OSMR: variants seen among roughly 807,000 people sequenced by gnomAD.
OSMR encodes oncostatin M receptor, also known as oncostatin-M-specific receptor subunit beta.
OSMR carries 81 observed loss-of-function variants against 99.9 expected under a neutral mutation model. That is an observed-to-expected ratio of 0.81 (90% CI 0.68 to 0.97). OSMR has a LOEUF of 0.97. Among genes scored for constraint, OSMR ranks in the 50% least tolerant of loss-of-function variants. The pLI is 0.00. For missense variants in OSMR, 1,099 were observed against 1,153.4 expected (o/e 0.95, Z 0.68); for synonymous variants, 406 against 410.4 (o/e 0.99, Z 0.13).
At chr5:38,892,157 AGCTGTGTGT>A (rs1744203070) in intron 7 of OSMR, among the ~76,000 whole-genome samples, 1 of 151,840 alleles carries the variant, frequency 6.6e-6, no homozygotes, top group Non-Finnish European at 1.5e-5. Context: ...TGCACCCCAC[AGCTGTGTGT>A]CTTCATTGCT....
chr5:38,883,669 G>T (rs1350899744), intron 4 of OSMR, 158 bp from the exon 5 acceptor site: 1 of 984,400 alleles, frequency 1.0e-6, no homozygotes, highest in African/African-American at 1.7e-5. Flanking sequence ...TGTCTTGCAT[G>T]CACCAGAGGG....
intron 1 of OSMR, among the ~76,000 whole-genome samples, chr5:38,860,664 A>T (rs1298992000): frequency 6.6e-6 from 1 of 152,118 alleles, no homozygotes; most frequent in East Asian, 1.9e-4. Context: ...TAAGTTTGGT[A>T]GAATTAAGCA....
intron 3 of OSMR, 136 bp from the exon 4 acceptor site, chr5:38,881,457 G>T: frequency 6.4e-7 from 1 of 1,562,206 alleles, no homozygotes; most frequent in African/African-American, 1.4e-5. Context: ...GAATTGACTA[G>T]CAGAAGTGGA....
At chr5:38,904,324 T>A in intron 8 of OSMR, 29 bp from the exon 9 acceptor site, 1 of 1,607,490 alleles carries the variant, frequency 6.2e-7, no homozygotes, top group Middle Eastern at 1.7e-4. Context: ...TTTCTCTTTT[T>A]TCTTTTCTTC....
At chr5:38,920,779 A>G (rs1385030322) in intron 11 of OSMR, among the ~76,000 whole-genome samples, 1 of 152,252 alleles carries the variant, frequency 6.6e-6, no homozygotes, top group African/African-American at 2.4e-5. Flanking sequence ...AGAAATTCTC[A>G]TGCCTCAAGG....
At chr5:38,904,955 G>C (rs1054092960) in intron 9 of OSMR, among the ~76,000 whole-genome samples, 1 of 152,186 alleles carries the variant, frequency 6.6e-6, no homozygotes, top group Admixed American at 6.5e-5. Flanking sequence ...ATGCCACACT[G>C]TGTGCCCTCT....
chr5:38,906,462 G>C (rs1425395795), intron 9 of OSMR, among the ~76,000 whole-genome samples: 2 of 152,140 alleles, frequency 1.3e-5, no homozygotes, highest in Admixed American at 6.5e-5. Flanking sequence ...TAAATGAATT[G>C]ATGGTATAAA....
At chr5:38,857,780 G>C (rs1740970850) in intron 1 of OSMR, among the ~76,000 whole-genome samples, 1 of 152,000 alleles carries the variant, frequency 6.6e-6, no homozygotes, top group Admixed American at 6.5e-5. Flanking sequence ...CAATTCTCCT[G>C]CTTCAGCCTC....
chr5:38,944,505 T>C, intron 2 of OSMR: 2 of 1,612,358 alleles, frequency 1.2e-6, no homozygotes, highest in South Asian at 1.1e-5. Flanking sequence ...TAATGACTAA[T>C]CTTAGAACTT....
chr5:38,910,061 G>A (rs758348056), intron 9 of OSMR, among the ~76,000 whole-genome samples: 29 of 152,170 alleles, frequency 1.9e-4, no homozygotes, highest in Non-Finnish European at 3.5e-4. Flanking sequence ...ACAGAAAAAA[G>A]CAGGGATTGG....
intron 2 of OSMR, among the ~76,000 whole-genome samples, chr5:38,871,153 C>T (rs1451031476): frequency 1.3e-5 from 2 of 152,194 alleles, no homozygotes; most frequent in African/African-American, 4.8e-5. Context: ...ACAGGGTCTC[C>T]AGGAAATCCC....
chr5:38,932,331 G>T, intron 16 of OSMR, 132 bp from the exon 17 acceptor site: 1 of 723,310 alleles, frequency 1.4e-6, no homozygotes, highest in Non-Finnish European at 2.5e-6. Context: ...ATTAAAGCAT[G>T]GAAGAATTAA....
intron 9 of OSMR, among the ~76,000 whole-genome samples, chr5:38,906,007 G>T (rs2112554760): frequency 6.6e-6 from 1 of 151,952 alleles, no homozygotes; most frequent in East Asian, 1.9e-4. Flanking sequence ...CTTCCCTGGT[G>T]GTGTCTGCCT....
At chr5:38,858,138 T>C (rs62354705) in intron 1 of OSMR, among the ~76,000 whole-genome samples, 4,512 of 152,288 alleles carry the variant, frequency 0.03, 105 homozygotes, top group South Asian at 0.056. Flanking sequence ...AATTTTTTCC[T>C]CCAGCAATTT....
At chr5:38,926,436 G>T (rs1408387325) in intron 15 of OSMR, among the ~76,000 whole-genome samples, 1 of 152,188 alleles carries the variant, frequency 6.6e-6, no homozygotes, top group African/African-American at 2.4e-5. Flanking sequence ...ACATGGCTGG[G>T]GAGGCCTTAG....
chr5:38,847,906 T>G (rs566043422), intron 1 of OSMR, among the ~76,000 whole-genome samples: 2 of 152,308 alleles, frequency 1.3e-5, no homozygotes, highest in Admixed American at 1.3e-4. Flanking sequence ...CCGAGCCGCA[T>G]TGGGGAGAAC....
At chr5:38,944,683 A>T (rs1747979521) in intron 2 of OSMR, 1 of 987,728 alleles carries the variant, frequency 1.0e-6, no homozygotes, top group Non-Finnish European at 1.5e-6. Flanking sequence ...ATTACACATG[A>T]TCTACCAATC....
At chr5:38,885,251 C>T in intron 5 of OSMR, 98 bp from the exon 6 acceptor site, 1 of 1,581,008 alleles carries the variant, frequency 6.3e-7, no homozygotes, top group Non-Finnish European at 8.6e-7. Context: ...TCCTTGTTCA[C>T]AGTAACTCTG....
At chr5:38,918,559 G>A (rs538757546) in intron 10 of OSMR, 52 of 173,400 alleles carry the variant, frequency 3.0e-4, no homozygotes, top group African/African-American at 1.2e-3. Flanking sequence ...CCAGGTTAAA[G>A]AGTCTATTCC....
Sources: gnomAD v4.1 joint callset for allele counts (sites outside exome capture counted in the v4.1 genomes callset) on GRCh38, gnomAD v4.1.1 for gene constraint, MANE v1.5 for transcripts, NCBI Gene and HGNC (gene_info 2026-07-23, HGNC 2026-07-21) for gene names.